PDSS2: variants seen among roughly 807,000 people sequenced by gnomAD.
PDSS2 encodes the protein decaprenyl diphosphate synthase subunit 2.
PDSS2 carries 31 observed loss-of-function variants against 44.5 expected under a neutral mutation model. The ratio of observed to expected loss-of-function variants is 0.70; its 90% CI spans 0.52 to 0.94. PDSS2 has a LOEUF of 0.94. Among genes scored for constraint, PDSS2 ranks in the 40% least tolerant of loss-of-function variants. The pLI, the probability that PDSS2 is intolerant of heterozygous loss-of-function variation, is 0.00. For synonymous variants in PDSS2, 157 were observed against 180.3 expected (o/e 0.87, Z 1.03); for missense variants, 452 against 482.2 (o/e 0.94, Z 0.59).
intron 1 of PDSS2, among the ~76,000 whole-genome samples, chr6:107,439,042 G>A (rs897265084): frequency 2.0e-5 from 3 of 152,150 alleles, no homozygotes; most frequent in African/African-American, 7.2e-5. Context: ...TCTAAGGGGT[G>A]AGTTTTCTAA....
intron 7 of PDSS2, among the ~76,000 whole-genome samples, chr6:107,170,679 C>T (rs1368926455): frequency 6.8e-6 from 1 of 147,382 alleles, no homozygotes; most frequent in Non-Finnish European, 1.5e-5. Flanking sequence ...GTGGCACAAT[C>T]TCGGCTCACT....
chr6:107,280,352 A>G (rs963152558), intron 2 of PDSS2, among the ~76,000 whole-genome samples: 3 of 152,092 alleles, frequency 2.0e-5, no homozygotes, highest in African/African-American at 4.8e-5. Flanking sequence ...CTAAGCCACT[A>G]TGCTGGGCCC....
At chr6:107,246,266 C>T (rs1369294672) in intron 3 of PDSS2, among the ~76,000 whole-genome samples, 6 of 150,428 alleles carry the variant, frequency 4.0e-5, no homozygotes, top group Non-Finnish European at 8.9e-5. Flanking sequence ...TGAACTTGTT[C>T]CAGGATGTAA....
intron 3 of PDSS2, chr6:107,264,634 T>C (rs1372773112): frequency 1.6e-6 from 1 of 619,710 alleles, no homozygotes; most frequent in East Asian, 2.8e-5. Flanking sequence ...CACAGTCTTA[T>C]TTGCACTGTG....
chr6:107,165,246 A>G (rs1218684674), intron 7 of PDSS2, among the ~76,000 whole-genome samples: 4 of 152,258 alleles, frequency 2.6e-5, no homozygotes, highest in African/African-American at 9.6e-5. Flanking sequence ...GCCCGTGCCT[A>G]TGTCCTGAAT....
Position 107,459,312 on chromosome 6 carries a change from C to T in PDSS2, c.-27G>A, listed in dbSNP as rs1443883224. Reference sequence around the variant, plus strand: ...GTTTGAGTCTGGAAGGGTCTGGGACCTGGGGGTATCCAGAAGTGCCGCGGG... The same window carrying T: ...GTTTGAGTCTGGAAGGGTCTGGGACTTGGGGGTATCCAGAAGTGCCGCGGG... On this transcript the variant is annotated 5_prime_UTR_variant, in exon 1 of 8. Coordinates refer to ENST00000369037, the MANE Select transcript of PDSS2 (RefSeq NM_020381.4). The surrounding 1 kb of genome is among the most constrained non-coding windows in gnomAD (Gnocchi z 4.3). 1.2e-6 allele frequency: 2 copies of T among 1,608,088 alleles called. No homozygotes were observed. Among genetic ancestry groups the T allele is most frequent in the Middle Eastern group, 1.7e-4 (1 of 5,728 alleles).
At position 107,154,773 on chromosome 6, in the gene PDSS2, C is replaced by T. The variant is rs201388841; in HGVS notation, c.1046G>A (p.Arg349Gln). ...ACCTTTGCCAGCTTTGATTCTTTCT[C>T]GCAACTGTTAAGAAACAAATGCATG... ...EKGRLDYAKL[R>Q]ERIKAGKGVT... The change falls in exon 8 of 8, where the codon CGA becomes CAA. Residue 349 changes from arginine to glutamine, a missense_variant. By Grantham distance (43) the Arg-to-Gln change is conservative. Transcript: ENST00000369037. The T allele has an allele frequency of 6.5e-4, 1,046 of 1,613,828 alleles. 1 individual carries two copies. Among genetic ancestry groups the T allele is most frequent in the Non-Finnish European group, 8.5e-4 (1,005 of 1,179,942 alleles).
intron 1 of PDSS2, among the ~76,000 whole-genome samples, chr6:107,402,479 C>CGTATATACGTATATATGTATACAT (rs367845132): frequency 4.6e-5 from 2 of 43,388 alleles, no homozygotes; most frequent in East Asian, 1.7e-3. Flanking sequence ...TATATGTATA[C>CGTATATACGTATATATGTATACAT]ATATATACGT....
chr6:107,446,818 A>T (rs1283879131), intron 1 of PDSS2, among the ~76,000 whole-genome samples: 5 of 151,990 alleles, frequency 3.3e-5, no homozygotes, highest in African/African-American at 9.7e-5. Flanking sequence ...GTTCCCTCCC[A>T]TGACACATGG....
intron 1 of PDSS2, among the ~76,000 whole-genome samples, chr6:107,391,485 G>A (rs1487926430): frequency 8.1e-6 from 1 of 124,062 alleles, no homozygotes; most frequent in African/African-American, 2.5e-5. Context: ...ATTCCAAGCA[G>A]GGGATGGGGG....
chr6:107,158,045 T>A (rs1770972330), intron 7 of PDSS2, among the ~76,000 whole-genome samples: 1 of 152,124 alleles, frequency 6.6e-6, no homozygotes, highest in Admixed American at 6.6e-5. Flanking sequence ...GTATAATGCA[T>A]GAAACATGAA....
intron 4 of PDSS2, chr6:107,230,210 C>T (rs2114729956): frequency 6.8e-6 from 1 of 147,370 alleles, no homozygotes; most frequent in African/African-American, 2.5e-5. Flanking sequence ...AACGACAAAA[C>T]TGAAGGAAAA....
chr6:107,182,341 T>C (rs1772013190), intron 7 of PDSS2, among the ~76,000 whole-genome samples: 1 of 152,232 alleles, frequency 6.6e-6, no homozygotes, highest in Non-Finnish European at 1.5e-5. Flanking sequence ...ATTTATTTAT[T>C]TGAGACAGAG....
At chr6:107,421,011 G>A (rs319090) in intron 1 of PDSS2, among the ~76,000 whole-genome samples, 109,972 of 152,094 alleles carry the variant, frequency 0.72, 40,206 homozygotes, top group Middle Eastern at 0.79. Context: ...GAAACAAACA[G>A]TCTATTTGAA....
intron 7 of PDSS2, among the ~76,000 whole-genome samples, chr6:107,189,906 T>TAAAG (rs546847597): frequency 3.3e-5 from 5 of 151,350 alleles, no homozygotes; most frequent in Non-Finnish European, 4.4e-5. Context: ...ATTAAATAAA[T>TAAAG]AAAGAAAGAA....
intron 1 of PDSS2, among the ~76,000 whole-genome samples, chr6:107,382,480 A>G (rs1033539954): frequency 6.6e-6 from 1 of 152,346 alleles, no homozygotes; most frequent in South Asian, 2.1e-4. Context: ...TAAAGACAGT[A>G]TAATAATGGC....
At chr6:107,198,987 C>T (rs897515741) in intron 6 of PDSS2, among the ~76,000 whole-genome samples, 1 of 152,064 alleles carries the variant, frequency 6.6e-6, no homozygotes, top group Non-Finnish European at 1.5e-5. Context: ...CAGAATGAGA[C>T]CCTGTCTCAA....
rs116840226 is a variant in PDSS2, at chr6:107,360,607, C to T, written c.297-26275G>A. 7.2e-3 allele frequency among the ~76,000 whole-genome samples: 1,093 copies of T among 152,230 alleles called. 10 individuals are homozygous for T. The highest frequency in any genetic ancestry group is 0.024 in the African/African-American group (1,007 of 41,526). On this transcript the variant is annotated intron_variant, in intron 1 of 7. Transcript: ENST00000369037. ...AAACATCTGGATAACTGATGAATTT[C>T]GAAATCATAATCACTAAGAGGACAG...
chr6:107,271,406 C>T (rs1775593439), intron 3 of PDSS2, among the ~76,000 whole-genome samples: 1 of 152,224 alleles, frequency 6.6e-6, no homozygotes, highest in South Asian at 2.1e-4. Context: ...TCATTCTACA[C>T]TCTACTTGCT....
Sources: gnomAD v4.1 joint callset for allele counts (sites outside exome capture counted in the v4.1 genomes callset) on GRCh38, gnomAD v4.1.1 for gene constraint, Gnocchi (gnomAD v3.1) non-coding constraint, MANE v1.5 for transcripts, NCBI Gene and HGNC (gene_info 2026-07-23, HGNC 2026-07-21) for gene names.